The following ZSCAN25 variants were observed in gnomAD, a reference collection of about 807,000 sequenced individuals.
The protein encoded by ZSCAN25 is zinc finger and SCAN domain containing 25.
ZSCAN25 carries 27 observed loss-of-function variants against 38.7 expected under a neutral mutation model. The observed-to-expected ratio is 0.70, with a 90% CI of 0.51 to 0.96. The LOEUF is 0.96. Among genes scored for constraint, ZSCAN25 ranks in the 40% least tolerant of loss-of-function variants. The pLI, the probability that ZSCAN25 is intolerant of heterozygous loss-of-function variation, is 0.00. For missense variants in ZSCAN25, 637 were observed against 705.9 expected (o/e 0.90, Z 1.11); for synonymous variants, 273 against 277.7 (o/e 0.98, Z 0.17).
chr7:99,721,579 G>A, the ZSCAN25 span, among the ~76,000 whole-genome samples: 5 of 152,290 alleles, frequency 3.3e-5, no homozygotes, highest in South Asian at 1.0e-3. Flanking sequence ...GGGAGTCCCT[G>A]GGCCACCAAA....
At chr7:99,726,351 T>C in the ZSCAN25 span, among the ~76,000 whole-genome samples, 1 of 152,182 alleles carries the variant, frequency 6.6e-6, no homozygotes, top group Non-Finnish European at 1.5e-5. Context: ...CTCCTTATAA[T>C]TCCCCCATCT....
intron 1 of ZSCAN25, 169 bp from the exon 2 acceptor site, chr7:99,618,354 CTT>C (rs147961359): frequency 6.6e-6 from 1 of 151,838 alleles, no homozygotes; most frequent in African/African-American, 2.4e-5. Context: ...CATCTAGTCT[CTT>C]TTTTTTCTTC....
chr7:99,658,964 A>G, the ZSCAN25 span: 1 of 152,102 alleles, frequency 6.6e-6, no homozygotes, highest in African/African-American at 2.4e-5. Flanking sequence ...TGCATTGATT[A>G]TTCTAGTTAG....
At chr7:99,634,115 C>T (rs942326036), downstream of ZSCAN25, among the ~76,000 whole-genome samples, 2 of 152,152 alleles carry the variant, frequency 1.3e-5, no homozygotes, top group South Asian at 2.1e-4. Context: ...CTGCATGTGC[C>T]GTGCTGCTGG....
chr7:99,642,113 CCTT>C, the ZSCAN25 span, among the ~76,000 whole-genome samples: 2,620 of 152,290 alleles, frequency 0.017, 83 homozygotes, highest in African/African-American at 0.058. Flanking sequence ...ACAACTTTCT[CCTT>C]CTCTTCATGT....
chr7:99,668,429 A>C, the ZSCAN25 span, among the ~76,000 whole-genome samples: 16 of 152,222 alleles, frequency 1.1e-4, no homozygotes, highest in African/African-American at 3.9e-4. Context: ...GATGGCTTTG[A>C]ATGTATCCCA....
In ZSCAN25 at chr7:99,629,161, A is replaced by G. The variant is rs781114261; in HGVS notation, c.806-30A>G. The G allele has an allele frequency of 1.1e-5, 17 of 1,563,398 alleles. No homozygotes were observed. The Admixed American group carries it at 3.2e-4, about 29-fold the overall frequency. On this transcript the variant is annotated intron_variant, in intron 7 of 7. Coordinates refer to ENST00000394152, the MANE Select transcript of ZSCAN25 (RefSeq NM_145115.3). This position sits in a 1 kb window ranked among gnomAD's most constrained non-coding sequence, Gnocchi z 5.6. ...TGTAAATGTCCTGCGGCTACCACAG[A>G]ATCAATCTTTATCTCCTCCTGTCCT...
At chr7:99,737,341 G>A in the ZSCAN25 span, among the ~76,000 whole-genome samples, 30 of 152,260 alleles carry the variant, frequency 2.0e-4, no homozygotes, top group African/African-American at 6.7e-4. Context: ...ACTCAAGGCT[G>A]CAACCAGAAA....
the ZSCAN25 span, among the ~76,000 whole-genome samples, chr7:99,706,096 G>T: frequency 6.6e-6 from 1 of 152,134 alleles, no homozygotes; most frequent in Admixed American, 6.5e-5. Context: ...TGTAAAGATG[G>T]GAAGACACCT....
Position 99,629,509 on chromosome 7 carries a change from A to G in ZSCAN25, c.1124A>G (p.Tyr375Cys). 6.2e-7 allele frequency: 1 copy of G among 1,614,226 alleles called. No homozygotes were observed. Among genetic ancestry groups the G allele is most frequent in the Non-Finnish European group, 8.5e-7 (1 of 1,180,038 alleles). The change falls in exon 8 of 8, where the codon TAT becomes TGT. Residue 375 changes from tyrosine (Y) to cysteine (C), a missense_variant. Physicochemically the swap from Tyr to Cys is radical, Grantham distance 194. Transcript: ENST00000394152. This position sits in a 1 kb window ranked among gnomAD's most constrained non-coding sequence, Gnocchi z 5.6. ...CAGCGAACCCACGAAGAGAAGTCTT[A>G]TGGCTGTGTGGAGTGTGGGAAGGGC... ...RHQRTHEEKS[Y>C]GCVECGKGFT...
At chr7:99,717,873 C>T in the ZSCAN25 span, among the ~76,000 whole-genome samples, 13 of 152,172 alleles carry the variant, frequency 8.5e-5, no homozygotes, top group Non-Finnish European at 1.6e-4. Context: ...CCACATGGTA[C>T]GGAACCTGTT....
chr7:99,629,383 C>T lies in ZSCAN25; in HGVS notation c.998C>T (p.Pro333Leu), dbSNP rs760298750. The T allele has an allele frequency of 1.9e-6, 3 of 1,614,226 alleles. No individual in the cohort carries two copies. Among genetic ancestry groups the T allele is most frequent in the Non-Finnish European group, 2.5e-6 (3 of 1,180,032 alleles). Residue 333 changes from proline (P) to leucine (L), a missense_variant, in exon 8 of 8, where the codon CCC becomes CTC. Physicochemically the swap from Pro to Leu is moderately conservative, Grantham distance 98. Transcript: ENST00000394152. This position sits in a 1 kb window ranked among gnomAD's most constrained non-coding sequence, Gnocchi z 5.6. ...GLPPPQHGAI[P>L]LPDEVKTHSS... ...CCTCCTCCCCAGCACGGTGCCATCCCCCTGCCTGACGAAGTCAAAACCCAC... is the reference window on the plus strand; with the variant it reads ...CCTCCTCCCCAGCACGGTGCCATCCTCCTGCCTGACGAAGTCAAAACCCAC...
chr7:99,645,793 T>A, the ZSCAN25 span, among the ~76,000 whole-genome samples: 36 of 152,312 alleles, frequency 2.4e-4, no homozygotes, highest in East Asian at 1.2e-3. Context: ...GCCCATTTTT[T>A]AATTTTTTTT....
chr7:99,622,039 T>C, intron 5 of ZSCAN25: 1 of 161,782 alleles, frequency 6.2e-6, no homozygotes, highest in East Asian at 1.9e-4. Context: ...ATTCTCCTGC[T>C]TCAGCCTCCC....
chr7:99,619,703 AG>A lies in ZSCAN25; in HGVS notation c.100del (p.Glu34ArgfsTer10). Reference protein sequence around the residue: ...LEKELPWGRGREDPSPETFRL... With the variant: ...LEKELPWGRGXEDPSPETFRL... ...GAAAGAGTTGCCATGGGGCAGAGGAAGGGAGGACCCTAGTCCAGAGACTTTT... is the reference window on the plus strand; with the variant it reads ...GAAAGAGTTGCCATGGGGCAGAGGAAGGAGGACCCTAGTCCAGAGACTTTT... On this transcript the variant is annotated frameshift_variant, in exon 4 of 8. Transcript: ENST00000394152. LOFTEE classifies it high-confidence loss of function. 6.2e-7 allele frequency: 1 copy of A among 1,614,268 alleles called. No individual in the cohort carries two copies. The highest frequency in any genetic ancestry group is 8.5e-7 in the Non-Finnish European group (1 of 1,180,056).
chr7:99,655,432 A>G, the ZSCAN25 span, among the ~76,000 whole-genome samples: 4 of 152,166 alleles, frequency 2.6e-5, no homozygotes, highest in Admixed American at 6.5e-5. Flanking sequence ...TGCTCCATTG[A>G]TCAATATCTC....
chr7:99,683,018 G>A, the ZSCAN25 span, among the ~76,000 whole-genome samples: 3,818 of 152,266 alleles, frequency 0.025, 161 homozygotes, highest in African/African-American at 0.087. Flanking sequence ...CTTTAGTGGA[G>A]TCTTTAAGTG....
At chr7:99,719,291 A>G in the ZSCAN25 span, among the ~76,000 whole-genome samples, 151,474 of 152,310 alleles carry the variant, frequency 0.99, 75,325 homozygotes, top group East Asian at 1. Context: ...TTTGTTGTTG[A>G]TGGAGGAATA....
At chr7:99,721,307 A>T in the ZSCAN25 span, among the ~76,000 whole-genome samples, 10 of 152,098 alleles carry the variant, frequency 6.6e-5, no homozygotes, top group South Asian at 2.1e-4. Context: ...TAGAAAGTTT[A>T]AAAAAAAGAA....
Sources: gnomAD v4.1 joint callset for allele counts (sites outside exome capture counted in the v4.1 genomes callset) on GRCh38, gnomAD v4.1.1 for gene constraint, Gnocchi (gnomAD v3.1) non-coding constraint, MANE v1.5 for transcripts, NCBI Gene and HGNC (gene_info 2026-07-23, HGNC 2026-07-21) for gene names.